The following BCL7A variants were observed in gnomAD, a reference collection of about 807,000 sequenced individuals.
BCL7A encodes the protein B-cell CLL/lymphoma 7 protein family member A.
A neutral mutation model predicts 28.4 loss-of-function variants in BCL7A; 11 were observed. The observed-to-expected ratio is 0.39, with a 90% CI of 0.24 to 0.64. The LOEUF (loss-of-function observed/expected upper bound fraction) is 0.64, where lower values mean the gene tolerates loss of function less well. Among genes scored for constraint, BCL7A ranks in the 30% least tolerant of loss-of-function variants. BCL7A has a pLI of 0.50. For synonymous variants in BCL7A, 123 were observed against 103.3 expected, an observed-to-expected ratio of 1.19 and a Z score of -1.15; for missense variants, 222 against 274.8, an observed-to-expected ratio of 0.81 and a Z score of 1.36.
Position 122,051,646 on chromosome 12 carries a change from C to T in BCL7A, c.440-3159C>T, listed in dbSNP as rs75941249. 7.0e-3 allele frequency among the ~76,000 whole-genome samples: 1,067 copies of T among 152,160 alleles called. 13 individuals carry two copies. The highest frequency in any genetic ancestry group is 0.024 in the African/African-American group (1,011 of 41,522). On this transcript the variant is annotated intron_variant, in intron 4 of 5. Coordinates refer to ENST00000261822, the MANE Select transcript of BCL7A (RefSeq NM_001024808.3). ...CTGCCCAGCACGGGTCAGCGTGAGT[C>T]TCTGGGTGACTGGCCACCTTCATGA...
chr12:122,024,563 GGATTGGGTCTTA>G (rs1416139505), intron 1 of BCL7A, among the ~76,000 whole-genome samples: 1 of 151,006 alleles, frequency 6.6e-6, no homozygotes, highest in Non-Finnish European at 1.5e-5. Context: ...CCGCGCCTTC[GGATTGGGTCTTA>G]GACTCAGCCC....
intron 4 of BCL7A, among the ~76,000 whole-genome samples, chr12:122,048,931 G>T (rs556808553): frequency 2.0e-5 from 3 of 150,824 alleles, no homozygotes; most frequent in South Asian, 4.2e-4. Flanking sequence ...TGAGGCAGGA[G>T]AATTGCTTGA....
intron 2 of BCL7A, among the ~76,000 whole-genome samples, chr12:122,034,612 T>G (rs928039808): frequency 6.6e-6 from 1 of 151,664 alleles, no homozygotes; most frequent in Non-Finnish European, 1.5e-5. Context: ...GGCAGGCACC[T>G]GTAGCTCCAG....
intron 4 of BCL7A, among the ~76,000 whole-genome samples, chr12:122,053,775 G>A (rs1198541831): frequency 1.4e-5 from 2 of 138,562 alleles, no homozygotes; most frequent in East Asian, 4.5e-4. Context: ...GAAATCACCC[G>A]AATAACTGGG....
Position 122,061,762 on chromosome 12 carries a change from T to TA in BCL7A, c.*2600dup, listed in dbSNP as rs1951925466. ...ACACATTCCACAAAGTGCTGGCACT[T>TA]ACACCCACAACCCGGAAGGCTGTGG... On this transcript the variant is annotated 3_prime_UTR_variant, in exon 6 of 6. Transcript: ENST00000261822. 8.7e-6 allele frequency: 2 copies of TA among 230,516 alleles called. No homozygotes were observed. The highest frequency in any genetic ancestry group is 2.2e-5 in the African/African-American group (1 of 45,106). The allele number at this position is 230,516 out of a possible 1,614,324, so 14.3% of individuals were successfully genotyped here.
intron 1 of BCL7A, among the ~76,000 whole-genome samples, chr12:122,024,727 T>A (rs1190776768): frequency 6.6e-6 from 1 of 152,216 alleles, no homozygotes; most frequent in African/African-American, 2.4e-5. Context: ...CAATGAAAGA[T>A]TTTTTTAAAA....
chr12:122,041,115 G>T (rs1017933621), intron 3 of BCL7A, among the ~76,000 whole-genome samples: 1 of 152,084 alleles, frequency 6.6e-6, no homozygotes, highest in Non-Finnish European at 1.5e-5. Flanking sequence ...GGTTACCCGT[G>T]TGGGGCCGCC....
At chr12:122,040,737 A>G (rs1883949193) in intron 3 of BCL7A, among the ~76,000 whole-genome samples, 1 of 151,968 alleles carries the variant, frequency 6.6e-6, no homozygotes, top group Non-Finnish European at 1.5e-5. Flanking sequence ...TGGGCCGGGC[A>G]AGTTTTCTGG....
intron 1 of BCL7A, among the ~76,000 whole-genome samples, chr12:122,022,535 T>C (rs1238858305): frequency 7.3e-6 from 1 of 137,174 alleles, no homozygotes; most frequent in Non-Finnish European, 1.6e-5. Flanking sequence ...AGCCATTTCG[T>C]TTTGTGCAAG....
rs751192384 is a variant in BCL7A, at chr12:122,045,983, G to A, written c.439+1930G>A. On this transcript the variant is annotated intron_variant, in intron 4 of 5. Coordinates refer to ENST00000261822, the MANE Select transcript of BCL7A (RefSeq NM_001024808.3). ...ATGCGCCTGTAGTCCCAGGAGGATC[G>A]ACTGAACCTGAGAGGTCGAGGCTGC... 3.1e-4 allele frequency among the ~76,000 whole-genome samples: 43 copies of A among 138,592 alleles called. 1 individual carries two copies. Among genetic ancestry groups the A allele is most frequent in the Non-Finnish European group, 5.0e-4 (33 of 65,966 alleles). The allele number at this position is 138,592 out of a possible 152,430, so 90.9% of individuals were successfully genotyped here. A position where few individuals can be genotyped will look rare whatever the true frequency, so the allele number is the denominator to read the frequency against.
Position 122,023,509 on chromosome 12 carries a change from C to T in BCL7A, c.92+1326C>T, listed in dbSNP as rs564896678. Among the ~76,000 whole-genome samples, 104 of 152,292 alleles carry T rather than the reference C, an allele frequency of 6.8e-4. 2 individuals carry two copies. The highest frequency in any genetic ancestry group is 2.2e-3 in the African/African-American group (90 of 41,556). On this transcript the variant is annotated intron_variant, in intron 1 of 5. Transcript: ENST00000261822. ...TCTGAGTCAAACCCAACAAAAAAGG[C>T]AAGAGGAAAATCAATAAAGTCCACG...
chr12:122,023,204 A>G (rs1883514775), intron 1 of BCL7A, among the ~76,000 whole-genome samples: 1 of 152,192 alleles, frequency 6.6e-6, no homozygotes, highest in South Asian at 2.1e-4. Context: ...AGGTTGGGTC[A>G]GAGTTGTTGA....
chr12:122,032,076 G>C (rs1376154383), intron 2 of BCL7A, among the ~76,000 whole-genome samples: 1 of 152,208 alleles, frequency 6.6e-6, no homozygotes, highest in East Asian at 1.9e-4. Context: ...TGGTAGGTTT[G>C]GGGTGGGGGA....
At chr12:122,031,551 A>G (rs1359213615) in intron 2 of BCL7A, among the ~76,000 whole-genome samples, 3 of 152,092 alleles carry the variant, frequency 2.0e-5, no homozygotes, top group Non-Finnish European at 4.4e-5. Flanking sequence ...TCTCCTCTGT[A>G]CAAGTGAGGG....
At chr12:122,055,055 T>C (rs974901694) in intron 5 of BCL7A, 129 bp downstream of exon 5, 1 of 1,563,186 alleles carries the variant, frequency 6.4e-7, no homozygotes, top group African/African-American at 1.4e-5. Context: ...GAACTGTCAT[T>C]TGTCCATTGG....
chr12:122,054,857 C>G lies in BCL7A; in HGVS notation c.492C>G (p.Ser164Arg), dbSNP rs561185844. The change falls in exon 5 of 6, where the codon AGC becomes AGG. Residue 164 changes from serine to arginine, a missense_variant. Around this residue, in one of 2 missense-constraint regions of BCL7A, gnomAD observed 155 missense variants for 145.7 expected, o/e 1.06. Transcript: ENST00000261822. ...SQSSMEHSMN[S>R]SEKVDRQPSG... ...CCTCGATGGAACATTCGATGAACAG[C>G]TCAGAGAAAGTAGATCGGCAGCCGT... 6.2e-7 allele frequency: 1 copy of G among 1,614,216 alleles called. No homozygotes were observed. The highest frequency in any genetic ancestry group is 8.5e-7 in the Non-Finnish European group (1 of 1,180,040).
intron 1 of BCL7A, among the ~76,000 whole-genome samples, chr12:122,030,335 C>T (rs1883715268): frequency 6.6e-6 from 1 of 152,228 alleles, no homozygotes; most frequent in South Asian, 2.1e-4. Flanking sequence ...GGCCTGAAGC[C>T]CTCTCTGCTG....
At chr12:122,028,086 C>T (rs1410062696) in intron 1 of BCL7A, among the ~76,000 whole-genome samples, 3 of 152,130 alleles carry the variant, frequency 2.0e-5, no homozygotes, top group Non-Finnish European at 2.9e-5. Flanking sequence ...ATGGCCCCTC[C>T]GGGTGGCTGC....
intron 5 of BCL7A, among the ~76,000 whole-genome samples, chr12:122,057,086 A>T (rs2135862266): frequency 6.6e-6 from 1 of 152,330 alleles, no homozygotes; most frequent in South Asian, 2.1e-4. Flanking sequence ...GTGCCGTGAG[A>T]GAGTGAAACA....
Sources: gnomAD v4.1 joint callset for allele counts (sites outside exome capture counted in the v4.1 genomes callset) on GRCh38, gnomAD v4.1.1 for gene constraint, gnomAD v4.1.1 regional missense constraint, MANE v1.5 for transcripts, NCBI Gene and HGNC (gene_info 2026-07-23, HGNC 2026-07-21) for gene names.